TOX4: variants seen among roughly 807,000 people sequenced by gnomAD.
TOX4 encodes epidermal Langerhans cell protein LCP1.
Under a neutral mutation model 61.0 loss-of-function variants are expected in TOX4, and 12 were observed. The observed-to-expected ratio is 0.20, with a 90% CI of 0.13 to 0.32. The LOEUF (loss-of-function observed/expected upper bound fraction) is 0.32, where lower values mean the gene tolerates loss of function less well. TOX4 is among the 10% of genes least tolerant of loss of function. The probability of loss-of-function intolerance (pLI) is 1.00; values close to 1 mark genes in which losing one functional copy is unlikely to be tolerated. For synonymous variants in TOX4, 268 were observed against 274.8 expected, an observed-to-expected ratio of 0.98 and a Z score of 0.24; for missense variants, 499 against 753.3, an observed-to-expected ratio of 0.66 and a Z score of 3.95.
At position 21,491,967 on chromosome 14, in the gene TOX4, C is replaced by T. The variant is rs560862903; in HGVS notation, c.811-329C>T. The T allele has an allele frequency of 2.1e-3, 376 of 176,090 alleles. 4 individuals carry two copies. Among genetic ancestry groups the T allele is most frequent in the Middle Eastern group, 5.8e-3 (2 of 346 alleles). The allele number at this position is 176,090 out of a possible 1,614,324, so 10.9% of individuals were successfully genotyped here. ...CAGAGCTTGCAATGAGCCAAGATCA[C>T]GCCACTGCACTCGAGCCTGGGCGAG... On this transcript the variant is annotated intron_variant, in intron 5 of 8. Transcript: ENST00000448790.
At position 21,488,826 on chromosome 14, in the gene TOX4, G is replaced by C; in HGVS notation, c.555G>C (p.Glu185Asp). 4 of 1,614,136 alleles carry C rather than the reference G, an allele frequency of 2.5e-6. No individual in the cohort carries two copies. The highest frequency in any genetic ancestry group is 3.4e-6 in the Non-Finnish European group (4 of 1,180,016). The change falls in exon 4 of 9, where the codon GAG (glutamate) becomes GAC (aspartate). Residue 185 changes from glutamate to aspartate, a missense_variant. Glu to Asp is a conservative substitution (Grantham distance 45, BLOSUM62 2). Around this residue, in one of 7 missense-constraint regions of TOX4, gnomAD observed 61 missense variants for 76.1 expected, o/e 0.80. Transcript: ENST00000448790. ...CTTCACCTACTAGTTCACTTCACGA[G>C]GATGGTGTTGAGGATTTCCGGAGGG... is the stretch of plus-strand genomic sequence containing the variant. ...TTPSPTSSLHEDGVEDFRRQL... is the reference protein window; with the variant it reads ...TTPSPTSSLHDDGVEDFRRQL...
chr14:21,496,697 GCC>G lies in TOX4; in HGVS notation c.*92_*93del. 1 of 1,130,006 alleles carries G rather than the reference GCC, an allele frequency of 8.8e-7. No individual in the cohort carries two copies. Among genetic ancestry groups the G allele is most frequent in the Non-Finnish European group, 1.3e-6 (1 of 754,452 alleles). 70.0% of individuals were successfully genotyped at this position (1,130,006 alleles called of 1,614,324 possible). On this transcript the variant is annotated 3_prime_UTR_variant, in exon 9 of 9. Coordinates refer to ENST00000448790, the MANE Select transcript of TOX4 (RefSeq NM_014828.4). ...AAACACAAGCTGGGCTTCTGGTAGTGCCTCATCACAACCCATGATGGCTGTTC... is the reference window on the plus strand; with the variant it reads ...AAACACAAGCTGGGCTTCTGGTAGTGTCATCACAACCCATGATGGCTGTTC...
chr14:21,480,797 A>G (rs1464241370), intron 2 of TOX4, among the ~76,000 whole-genome samples: 2 of 152,198 alleles, frequency 1.3e-5, no homozygotes, highest in Non-Finnish European at 2.9e-5. Flanking sequence ...ATCCAGTTTA[A>G]AAGGAAGCAA....
chr14:21,492,589 G>A lies in TOX4; in HGVS notation c.973G>A (p.Ala325Thr), dbSNP rs778443336. 1.9e-6 allele frequency: 3 copies of A among 1,613,772 alleles called. No homozygotes were observed. The highest frequency in any genetic ancestry group is 4.5e-5 in the East Asian group (2 of 44,874). ...SPPPMATVDPASPAPASIEPP... is the reference protein window; with the variant it reads ...SPPPMATVDPTSPAPASIEPP... ...ACCTCCTATGGCTACTGTTGACCCA[G>A]CATCTCCAGCACCAGCTTCAATAGA... The change falls in exon 7 of 9, where the codon GCA (alanine) becomes ACA (threonine). Residue 325 changes from alanine to threonine, a missense_variant. Around this residue, in one of 7 missense-constraint regions of TOX4, gnomAD observed 296 missense variants for 404.7 expected, o/e 0.73. Transcript: ENST00000448790.
At chr14:21,491,252 T>C (rs1321134292) in intron 5 of TOX4, among the ~76,000 whole-genome samples, 1 of 152,238 alleles carries the variant, frequency 6.6e-6, no homozygotes, top group Admixed American at 6.5e-5. Flanking sequence ...GGAGGAGTTG[T>C]TGTGGCCATC....
chr14:21,487,319 T>C, intron 2 of TOX4, 132 bp from the exon 3 acceptor site: 1 of 1,270,520 alleles, frequency 7.9e-7, no homozygotes, highest in Non-Finnish European at 1.1e-6. Context: ...TCTAAGAAAT[T>C]GATTATAAAA....
chr14:21,484,668 C>CT lies in TOX4; in HGVS notation c.76-2774dup, dbSNP rs1370812858. On this transcript the variant is annotated intron_variant, in intron 2 of 8. Coordinates refer to ENST00000448790, the MANE Select transcript of TOX4 (RefSeq NM_014828.4). ...CCCGGCCTTTATTTTCTTTCTTTTT[C>CT]TTTTTTTTTAGACATGGTCTTGGTC... Among the ~76,000 whole-genome samples, 47 of 99,586 alleles carry CT rather than the reference C, an allele frequency of 4.7e-4. 13 individuals carry two copies. The highest frequency in any genetic ancestry group is 6.3e-4 in the Non-Finnish European group (29 of 45,672). The allele number at this position is 99,586 out of a possible 152,430, so 65.3% of individuals were successfully genotyped here. A position where few individuals can be genotyped will look rare whatever the true frequency, so the allele number is the denominator to read the frequency against.
At position 21,496,606 on chromosome 14, in the gene TOX4, G is replaced by A; in HGVS notation, c.1866G>A (p.Ter622=). ...RNSNTVVFVK[*] is the part of the protein sequence containing the mutation. Reference sequence around the variant, plus strand: ...CAAACACAGTGGTGTTTGTGAAATAGTCCTTCCTGTTCTCCAAGCCAGTGA... The same window carrying A: ...CAAACACAGTGGTGTTTGTGAAATAATCCTTCCTGTTCTCCAAGCCAGTGA... The change falls in exon 9 of 9, where the codon TAG becomes TAA. Residue 622 remains the stop codon, a stop_retained_variant. Coordinates refer to ENST00000448790, the MANE Select transcript of TOX4 (RefSeq NM_014828.4). The A allele has an allele frequency of 1.2e-6, 2 of 1,610,814 alleles. No homozygotes were observed. Among genetic ancestry groups the A allele is most frequent in the Non-Finnish European group, 1.7e-6 (2 of 1,178,612 alleles).
chr14:21,490,359 C>T (rs1487737671), intron 5 of TOX4, among the ~76,000 whole-genome samples: 1 of 151,986 alleles, frequency 6.6e-6, no homozygotes, highest in Non-Finnish European at 1.5e-5. Context: ...CCTCAAATCC[C>T]AGCTACTCAG....
Position 21,493,074 on chromosome 14 carries a change from A to T in TOX4, c.1458A>T (p.Gln486His). ...AGAAAGTTCGAATCAATTTACAGCA[A>T]CAGCCTCCTCCTCTGCAGATCAAGA... Reference protein sequence around the residue: ...PPQKVRINLQQQPPPLQIKSV... With the variant: ...PPQKVRINLQHQPPPLQIKSV... Residue 486 changes from glutamine (Q) to histidine (H), a missense_variant, in exon 7 of 9, where the codon CAA becomes CAT. This residue lies in a region of TOX4 where 296 missense variants were observed against 404.7 expected (regional missense o/e 0.73). Coordinates refer to ENST00000448790, the MANE Select transcript of TOX4 (RefSeq NM_014828.4). 3 of 1,614,072 alleles carry T rather than the reference A, an allele frequency of 1.9e-6. No individual in the cohort carries two copies. Among genetic ancestry groups the T allele is most frequent in the Non-Finnish European group, 2.5e-6 (3 of 1,180,012 alleles).
At chr14:21,483,784 C>T (rs552213493) in intron 2 of TOX4, among the ~76,000 whole-genome samples, 3 of 146,400 alleles carry the variant, frequency 2.0e-5, no homozygotes, top group South Asian at 2.2e-4. Context: ...TCAAGAACTG[C>T]GTGGTATTTT....
chr14:21,479,939 A>C (rs1273034569), intron 2 of TOX4, among the ~76,000 whole-genome samples: 1 of 152,152 alleles, frequency 6.6e-6, no homozygotes, highest in African/African-American at 2.4e-5. Context: ...TCTCTACCCC[A>C]TTTATGAAGT....
rs200210579 is a variant in TOX4, at chr14:21,499,048, T to C, written c.*2442T>C. 6.2e-7 allele frequency: 1 copy of C among 1,614,064 alleles called. No individual in the cohort carries two copies. The highest frequency in any genetic ancestry group is 2.2e-5 in the East Asian group (1 of 44,886). On this transcript the variant is annotated 3_prime_UTR_variant, in exon 9 of 9. Transcript: ENST00000448790. ...ACCAGTTGGGTTGCACATTGTGTGG[T>C]CGTCCAAATAACTCAATCTTGCGAG...
intron 7 of TOX4, 99 bp downstream of exon 7, chr14:21,493,356 C>G (rs970002779): frequency 1.5e-6 from 2 of 1,371,490 alleles, no homozygotes; most frequent in Non-Finnish European, 2.0e-6. Flanking sequence ...ATTTAATGCC[C>G]AGCAACCAGG....
intron 5 of TOX4, among the ~76,000 whole-genome samples, chr14:21,489,934 C>T (rs1376509344): frequency 1.3e-5 from 2 of 151,592 alleles, no homozygotes; most frequent in East Asian, 4.0e-4. Flanking sequence ...TTAATCCCAG[C>T]ACTTTGGGAG....
rs762717084 is a variant in TOX4 at position 21,487,663 on chromosome 14, C to A, written c.288C>A (p.Gly96=). ...VGMTHGLMEQ[G]GGLLSGGLTM... ...TGACCCATGGCTTGATGGAGCAGGG[C>A]GGGGGGCTCCTGAGTGGGGGCTTGA... The change falls in exon 3 of 9, where the codon GGC becomes GGA. Residue 96 remains glycine (G), a synonymous_variant. Coordinates refer to ENST00000448790, the MANE Select transcript of TOX4 (RefSeq NM_014828.4). The A allele has an allele frequency of 3.7e-6, 6 of 1,613,050 alleles. No homozygotes were observed. Among genetic ancestry groups the A allele is most frequent in the African/African-American group, 1.3e-5 (1 of 74,824 alleles).
chr14:21,495,721 A>C lies in TOX4; in HGVS notation c.1805+329A>C, dbSNP rs759822116. 48 of 162,198 alleles carry C rather than the reference A, an allele frequency of 3.0e-4. 1 individual carries two copies. The highest frequency in any genetic ancestry group is 1.3e-3 in the Admixed American group (21 of 15,662). The allele number at this position is 162,198 out of a possible 1,614,324, so 10.0% of individuals were successfully genotyped here. On this transcript the variant is annotated intron_variant, in intron 8 of 8. Coordinates refer to ENST00000448790, the MANE Select transcript of TOX4 (RefSeq NM_014828.4). ...CAAATCAGACTACTTAGGGAACTAGAATTTGGGGAGAAATGGTAAGTGGAA... is the reference window on the plus strand; with the variant it reads ...CAAATCAGACTACTTAGGGAACTAGCATTTGGGGAGAAATGGTAAGTGGAA...
chr14:21,482,253 T>G (rs1410760664), intron 2 of TOX4, among the ~76,000 whole-genome samples: 2 of 152,158 alleles, frequency 1.3e-5, no homozygotes, highest in African/African-American at 4.8e-5. Context: ...GTAGGAAAAG[T>G]AACTAACATT....
At chr14:21,482,411 T>G in intron 2 of TOX4, 1 of 318,978 alleles carries the variant, frequency 3.1e-6, no homozygotes, top group Non-Finnish European at 6.2e-6. Flanking sequence ...AAGTGAATGA[T>G]CTATATAATA....
Sources: allele counts gnomAD v4.1 joint callset (sites outside exome capture counted in the v4.1 genomes callset), GRCh38; gene constraint gnomAD v4.1.1; regional missense constraint gnomAD v4.1.1; transcripts MANE v1.5; gene names NCBI Gene and HGNC (gene_info 2026-07-23, HGNC 2026-07-21).